The following EXOC6 variants were observed in gnomAD, a reference collection of about 807,000 sequenced individuals.
EXOC6 encodes the protein SEC15-like 1.
EXOC6 carries 60 observed loss-of-function variants against 112.5 expected under a neutral mutation model. The observed-to-expected ratio is 0.53, with a 90% CI of 0.43 to 0.66. The LOEUF (loss-of-function observed/expected upper bound fraction) is 0.66, where lower values mean the gene tolerates loss of function less well. Ranked by LOEUF, EXOC6 falls within the 30% of genes least tolerant of loss-of-function variation. The probability of loss-of-function intolerance (pLI) is 0.00; values close to 1 mark genes in which losing one functional copy is unlikely to be tolerated. For synonymous variants in EXOC6, 295 were observed against 308.0 expected (o/e 0.96, Z 0.44); for missense variants, 855 against 957.1 (o/e 0.89, Z 1.41).
intron 1 of EXOC6, among the ~76,000 whole-genome samples, chr10:92,874,640 G>A (rs188444395): frequency 4.4e-4 from 67 of 152,206 alleles, no homozygotes; most frequent in African/African-American, 1.6e-3. Context: ...GTAGTTGTGG[G>A]TAATCAAACC....
chr10:93,007,639 C>T (rs946148081), intron 19 of EXOC6, among the ~76,000 whole-genome samples: 2 of 152,092 alleles, frequency 1.3e-5, no homozygotes, highest in South Asian at 2.1e-4. Flanking sequence ...GACAGCAGAG[C>T]GAGACTCCGT....
At chr10:92,881,846 G>A (rs190105691) in intron 1 of EXOC6, among the ~76,000 whole-genome samples, 1 of 152,230 alleles carries the variant, frequency 6.6e-6, no homozygotes, top group Non-Finnish European at 1.5e-5. Context: ...TTTATAAGGG[G>A]CATTCCTCTT....
intron 18 of EXOC6, among the ~76,000 whole-genome samples, chr10:92,985,409 T>C (rs1842965740): frequency 6.6e-6 from 1 of 152,220 alleles, no homozygotes. Context: ...CTGCTTTCTG[T>C]CTTGCAGAAA....
chr10:93,041,120 G>A (rs1845750085), intron 20 of EXOC6, among the ~76,000 whole-genome samples: 2 of 151,898 alleles, frequency 1.3e-5, no homozygotes, highest in African/African-American at 4.8e-5. Flanking sequence ...TGTCTTTTTT[G>A]ATTGGTAGAA....
At chr10:93,055,374 T>A (rs1846489030) in intron 20 of EXOC6, among the ~76,000 whole-genome samples, 1 of 152,202 alleles carries the variant, frequency 6.6e-6, no homozygotes, top group African/African-American at 2.4e-5. Context: ...ATAACACAAA[T>A]AACATTTTTG....
chr10:92,987,394 C>T (rs192043026), intron 18 of EXOC6, among the ~76,000 whole-genome samples: 63 of 152,214 alleles, frequency 4.1e-4, no homozygotes, highest in African/African-American at 1.4e-3. Context: ...GAGGATTTGT[C>T]TAATTAGTAT....
chr10:93,001,836 T>C (rs1210127859), intron 19 of EXOC6, among the ~76,000 whole-genome samples: 1 of 152,208 alleles, frequency 6.6e-6, no homozygotes, highest in Non-Finnish European at 1.5e-5. Flanking sequence ...CTAAATCTTC[T>C]GAAGGCCAGA....
At chr10:93,047,770 AC>A (rs1846070345) in intron 20 of EXOC6, among the ~76,000 whole-genome samples, 1 of 151,558 alleles carries the variant, frequency 6.6e-6, no homozygotes, top group African/African-American at 2.4e-5. Flanking sequence ...ACAGAGTGAA[AC>A]CCCCGTCTCT....
intron 19 of EXOC6, among the ~76,000 whole-genome samples, chr10:93,004,260 A>G (rs1843882225): frequency 6.6e-6 from 1 of 152,218 alleles, no homozygotes; most frequent in African/African-American, 2.4e-5. Flanking sequence ...TAAATTCAAC[A>G]TAGAAGATTT....
At chr10:92,958,172 C>T (rs1332503583) in intron 17 of EXOC6, among the ~76,000 whole-genome samples, 1 of 152,178 alleles carries the variant, frequency 6.6e-6, no homozygotes, top group African/African-American at 2.4e-5. Flanking sequence ...TTCCTACCCT[C>T]AAGCAGTACC....
rs191319204 is a variant in EXOC6, at chr10:92,996,685, A to G, written c.1954-789A>G. Among the ~76,000 whole-genome samples the G allele has an allele frequency of 1.9e-4, 29 of 152,312 alleles. 1 individual carries two copies. In the East Asian group the frequency reaches 5.4e-3, roughly 28 times the overall value. On this transcript the variant is annotated intron_variant, in intron 18 of 21. Coordinates refer to ENST00000260762, the MANE Select transcript of EXOC6 (RefSeq NM_019053.6). The stretch of plus-strand genomic sequence containing the variant: ...TGTGTAATGCAGAGGCTAAACATTT[A>G]AAAAGGCCATTTTTAAGAAAACAAT...
In EXOC6 at chr10:92,933,957, C is replaced by T. The variant is rs776603723; in HGVS notation, c.973-187C>T. ...CCTTTTTAACTTGTTTATCTCCTTT[C>T]GAATGTACGTTCCATGAGAGTAAGG... On this transcript the variant is annotated intron_variant, in intron 9 of 21. Transcript: ENST00000260762. Among the ~76,000 whole-genome samples the T allele has an allele frequency of 1.3e-5, 2 of 151,980 alleles. No homozygotes were observed. Among genetic ancestry groups the T allele is most frequent in the East Asian group, 1.9e-4 (1 of 5,184 alleles).
chr10:92,835,473 C>T (rs1391135889), intron 1 of EXOC6, among the ~76,000 whole-genome samples: 1 of 152,202 alleles, frequency 6.6e-6, no homozygotes, highest in Non-Finnish European at 1.5e-5. Flanking sequence ...CTATGTCTGC[C>T]TGTCTCTGAC....
At chr10:93,007,287 A>C (rs1033818068) in intron 19 of EXOC6, among the ~76,000 whole-genome samples, 2 of 85,344 alleles carry the variant, frequency 2.3e-5, no homozygotes, top group African/African-American at 9.9e-5. Context: ...CCTACTCAAA[A>C]ATTTTTTTTT....
At position 93,058,554 on chromosome 10, in the gene EXOC6, A is replaced by G. The variant is rs981745474; in HGVS notation, c.*199A>G. On this transcript the variant is annotated 3_prime_UTR_variant, in exon 22 of 22. Transcript: ENST00000260762. Reference sequence around the variant, plus strand: ...AATCGAATACTATTTTATATATGGAAAAAAATGACCATTTTTTCACTTTTA... The same window carrying G: ...AATCGAATACTATTTTATATATGGAGAAAAATGACCATTTTTTCACTTTTA... 1.0e-5 allele frequency: 4 copies of G among 394,428 alleles called. No homozygotes were observed. The highest frequency in any genetic ancestry group is 8.3e-5 in the African/African-American group (4 of 48,254). 24.4% of individuals were successfully genotyped at this position (394,428 alleles called of 1,614,324 possible). A position where few individuals can be genotyped will look rare whatever the true frequency, so the allele number is the denominator to read the frequency against.
At chr10:92,851,665 AAAAC>A (rs1034370864) in intron 1 of EXOC6, among the ~76,000 whole-genome samples, 74 of 151,860 alleles carry the variant, frequency 4.9e-4, no homozygotes, top group African/African-American at 1.6e-3. Flanking sequence ...AACAAAAACA[AAAAC>A]AAACAAAAAA....
At chr10:92,971,210 A>AT (rs1173191131) in intron 17 of EXOC6, among the ~76,000 whole-genome samples, 1 of 150,222 alleles carries the variant, frequency 6.7e-6, no homozygotes, top group African/African-American at 2.5e-5. Flanking sequence ...GGCCTGGCTA[A>AT]TTTTTTTGTA....
At chr10:92,927,649 G>GATGTTGTCCA (rs1333176807) in intron 8 of EXOC6, among the ~76,000 whole-genome samples, 1 of 152,120 alleles carries the variant, frequency 6.6e-6, no homozygotes, top group Non-Finnish European at 1.5e-5. Context: ...ATCATCACAG[G>GATGTTGTCCA]GAGTTCCATT....
intron 1 of EXOC6, among the ~76,000 whole-genome samples, chr10:92,872,765 AAAT>A (rs10533924): frequency 0.38 from 57,916 of 151,730 alleles, 11,337 homozygotes; most frequent in Middle Eastern, 0.49. Context: ...ATAAATGCAC[AAAT>A]AATAAGTGTA....
Sources: allele counts gnomAD v4.1 joint callset (sites outside exome capture counted in the v4.1 genomes callset), GRCh38; gene constraint gnomAD v4.1.1; transcripts MANE v1.5; gene names NCBI Gene and HGNC (gene_info 2026-07-23, HGNC 2026-07-21).